XKR9: variants seen among roughly 807,000 people sequenced by gnomAD.
XKR9 encodes XK-related protein 9.
In XKR9, 32 loss-of-function variants were observed where a neutral mutation model predicts 32.0. That is an observed-to-expected ratio of 1.00 (90% CI 0.76 to 1.34). The LOEUF (loss-of-function observed/expected upper bound fraction) is 1.34, where lower values mean the gene tolerates loss of function less well. XKR9 is among the 40% of genes most tolerant of loss of function. The probability of loss-of-function intolerance (pLI) is 0.00; values close to 1 mark genes in which losing one functional copy is unlikely to be tolerated. For synonymous variants in XKR9, 168 were observed against 143.4 expected, an observed-to-expected ratio of 1.17 and a Z score of -1.22; for missense variants, 546 against 429.7, an observed-to-expected ratio of 1.27 and a Z score of -2.39.
chr8:70,974,394 C>A, the XKR9 span, among the ~76,000 whole-genome samples: 1 of 152,110 alleles, frequency 6.6e-6, no homozygotes. Flanking sequence ...CCTCCCTGAT[C>A]CCACCACCCC....
the XKR9 span, among the ~76,000 whole-genome samples, chr8:70,863,247 G>A: frequency 1.3e-5 from 2 of 152,138 alleles, no homozygotes; most frequent in South Asian, 4.1e-4. Flanking sequence ...CCATAACATG[G>A]CTAATAATTA....
chr8:70,699,462 G>T (rs1457323897), intron 3 of XKR9, among the ~76,000 whole-genome samples: 3 of 151,348 alleles, frequency 2.0e-5, no homozygotes, highest in African/African-American at 7.3e-5. Flanking sequence ...GTCTGGATAT[G>T]AATTTCTGGG....
intron 2 of XKR9, among the ~76,000 whole-genome samples, chr8:70,741,195 T>C (rs1806968351): frequency 6.6e-6 from 1 of 152,116 alleles, no homozygotes; most frequent in Non-Finnish European, 1.5e-5. Flanking sequence ...GGTGGGGACT[T>C]TGGGCAGTAT....
chr8:70,772,896 T>C (rs1807471651), intron 2 of XKR9, among the ~76,000 whole-genome samples: 1 of 152,230 alleles, frequency 6.6e-6, no homozygotes, highest in Non-Finnish European at 1.5e-5. Context: ...AGAGTTTTAA[T>C]GGCAAGGATA....
At chr8:70,769,228 C>CTT (rs879627943) in intron 2 of XKR9, among the ~76,000 whole-genome samples, 14 of 132,882 alleles carry the variant, frequency 1.1e-4, no homozygotes, top group Non-Finnish European at 1.8e-4. Context: ...GTTGAAAAAT[C>CTT]TTTTTTTTTT....
chr8:70,920,837 CT>C, the XKR9 span, among the ~76,000 whole-genome samples: 1 of 151,832 alleles, frequency 6.6e-6, no homozygotes, highest in African/African-American at 2.4e-5. Flanking sequence ...GATCCTTTTT[CT>C]TTTTTAAATT....
the XKR9 span, among the ~76,000 whole-genome samples, chr8:70,820,844 G>A: frequency 6.6e-6 from 1 of 152,146 alleles, no homozygotes; most frequent in Non-Finnish European, 1.5e-5. Context: ...GACATGTGGG[G>A]ATTATGGGGA....
chr8:70,748,623 T>A (rs1563466806), intron 2 of XKR9, among the ~76,000 whole-genome samples: 1 of 152,162 alleles, frequency 6.6e-6, no homozygotes, highest in South Asian at 2.1e-4. Context: ...CTGGGCGCTG[T>A]GGATGGCATG....
the XKR9 span, among the ~76,000 whole-genome samples, chr8:70,819,418 C>T: frequency 6.6e-6 from 1 of 152,178 alleles, no homozygotes; most frequent in African/African-American, 2.4e-5. Flanking sequence ...TCCATTCTCT[C>T]CTTGAGGGAT....
intron 1 of XKR9, among the ~76,000 whole-genome samples, chr8:70,670,847 A>G (rs1040646910): frequency 6.6e-6 from 1 of 152,178 alleles, no homozygotes; most frequent in Non-Finnish European, 1.5e-5. Context: ...ATCTGTCAAT[A>G]TGTATTTATG....
At chr8:70,710,507 C>T (rs964648272) in intron 4 of XKR9, among the ~76,000 whole-genome samples, 1 of 152,062 alleles carries the variant, frequency 6.6e-6, no homozygotes, top group African/African-American at 2.4e-5. Flanking sequence ...TCGAGATCAG[C>T]CTGGCCAACA....
At chr8:70,821,329 G>T in the XKR9 span, among the ~76,000 whole-genome samples, 1 of 152,198 alleles carries the variant, frequency 6.6e-6, no homozygotes, top group East Asian at 1.9e-4. Context: ...GCTTTGCAGG[G>T]TACAGCCCCT....
At chr8:70,851,592 C>A in the XKR9 span, among the ~76,000 whole-genome samples, 4 of 152,024 alleles carry the variant, frequency 2.6e-5, no homozygotes, top group Non-Finnish European at 5.9e-5. Flanking sequence ...GATGTATAGA[C>A]CAATGGAACA....
At chr8:70,898,570 C>G in the XKR9 span, among the ~76,000 whole-genome samples, 1 of 152,086 alleles carries the variant, frequency 6.6e-6, no homozygotes, top group African/African-American at 2.4e-5. Flanking sequence ...TTGAGACTTC[C>G]TCTTTGACCT....
At chr8:70,758,580 G>A (rs984551091) in intron 2 of XKR9, among the ~76,000 whole-genome samples, 4 of 152,144 alleles carry the variant, frequency 2.6e-5, no homozygotes, top group Admixed American at 1.3e-4. Flanking sequence ...CAGATAATGT[G>A]GAATCAGAGA....
chr8:70,802,322 T>A, the XKR9 span, among the ~76,000 whole-genome samples: 1 of 152,176 alleles, frequency 6.6e-6, no homozygotes, highest in South Asian at 2.1e-4. Context: ...CTGTTTTCTG[T>A]TTGTTTGGTA....
Position 70,735,829 on chromosome 8 carries a change from T to C in XKR9, c.*1405T>C, listed in dbSNP as rs955363442. ...TATGGCTGCATAGTATTCCATGGTG[T>C]ATATGTGCCACATTTTCTTAATCCA... On this transcript the variant is annotated 3_prime_UTR_variant, in exon 5 of 5. Coordinates refer to ENST00000408926, the MANE Select transcript of XKR9 (RefSeq NM_001011720.2). The C allele has an allele frequency of 3.3e-5, 5 of 152,062 alleles. No individual in the cohort carries two copies. The highest frequency in any genetic ancestry group is 1.2e-4 in the African/African-American group (5 of 41,392). 9.4% of individuals were successfully genotyped at this position (152,062 alleles called of 1,614,324 possible). A position where few individuals can be genotyped will look rare whatever the true frequency, so the allele number is the denominator to read the frequency against.
At chr8:70,706,870 G>A in intron 3 of XKR9, 63 bp from the exon 4 acceptor site, 2 of 1,327,568 alleles carry the variant, frequency 1.5e-6, no homozygotes, top group Non-Finnish European at 2.1e-6. Context: ...ATTATTATGT[G>A]TATTAACAGA....
At chr8:70,940,870 T>C in the XKR9 span, among the ~76,000 whole-genome samples, 2 of 152,154 alleles carry the variant, frequency 1.3e-5, no homozygotes, top group Non-Finnish European at 2.9e-5. Flanking sequence ...GATGTGGTCT[T>C]CTCCAGGGTT....
Sources: gnomAD v4.1 joint callset for allele counts (sites outside exome capture counted in the v4.1 genomes callset) on GRCh38, gnomAD v4.1.1 for gene constraint, MANE v1.5 for transcripts, NCBI Gene and HGNC (gene_info 2026-07-23, HGNC 2026-07-21) for gene names.